The following APLF variants were observed in gnomAD, a reference collection of about 807,000 sequenced individuals.
APLF encodes aprataxin and PNKP like factor.
Under a neutral mutation model 55.6 loss-of-function variants are expected in APLF, and 61 were observed. The observed-to-expected ratio is 1.10, with a 90% CI of 0.89 to 1.36. The LOEUF (loss-of-function observed/expected upper bound fraction) is 1.36. Among genes scored for constraint, APLF ranks in the 40% most tolerant of loss-of-function variants. The pLI is 0.00. For synonymous variants in APLF, 207 were observed against 214.8 expected, an observed-to-expected ratio of 0.96 and a Z score of 0.32; for missense variants, 611 against 602.5, an observed-to-expected ratio of 1.01 and a Z score of -0.15.
intron 8 of APLF, among the ~76,000 whole-genome samples, chr2:68,555,936 A>AAAC (rs373984417): frequency 8.5e-5 from 13 of 152,360 alleles, no homozygotes; most frequent in African/African-American, 3.1e-4. Context: ...GCAATGGCAA[A>AAAC]AACATGGAAC....
chr2:68,559,337 A>G (rs959541246), intron 8 of APLF, among the ~76,000 whole-genome samples: 1 of 152,226 alleles, frequency 6.6e-6, no homozygotes, highest in Middle Eastern at 3.4e-3. Flanking sequence ...TAAATATTGC[A>G]GAGCCACGGG....
At chr2:68,510,981 C>T (rs1677032699) in intron 3 of APLF, among the ~76,000 whole-genome samples, 1 of 151,680 alleles carries the variant, frequency 6.6e-6, no homozygotes, top group Non-Finnish European at 1.5e-5. Context: ...TCTTTGGAGA[C>T]AGAAGGTAGA....
At chr2:68,512,965 T>C in intron 3 of APLF, 115 bp from the exon 4 acceptor site, 1 of 823,638 alleles carries the variant, frequency 1.2e-6, no homozygotes, top group Non-Finnish European at 1.9e-6. Context: ...TACTATAATC[T>C]GCTTTTTTTG....
chr2:68,575,413 G>A (rs1229384528), intron 9 of APLF, among the ~76,000 whole-genome samples: 1 of 152,164 alleles, frequency 6.6e-6, no homozygotes, highest in East Asian at 1.9e-4. Flanking sequence ...CTTCAAAGCT[G>A]AGACCTGTAA....
rs970199640 is a variant in APLF, at chr2:68,522,480, G to A, written c.623-3581G>A. The stretch of plus-strand genomic sequence containing the variant: ...CTCTTATCTATATTATGGTTAGTCC[G>A]TATTTTTCTTTATGTATGCCTTCTA... On this transcript the variant is annotated intron_variant, in intron 5 of 9. Coordinates refer to ENST00000303795, the MANE Select transcript of APLF (RefSeq NM_173545.3). Among the ~76,000 whole-genome samples the A allele has an allele frequency of 7.9e-5, 12 of 151,774 alleles. No homozygotes were observed. In the East Asian group the frequency reaches 1.5e-3, roughly 20 times the overall value.
In APLF at chr2:68,481,790, A is replaced by G. The variant is rs190277638; in HGVS notation, c.97-8400A>G. Among the ~76,000 whole-genome samples the G allele has an allele frequency of 2.0e-5, 3 of 152,094 alleles. No homozygotes were observed. In the East Asian group the frequency reaches 5.8e-4, roughly 29 times the overall value. ...CCCATAAATTCAATCGGTTTTCTTCATTCTAGTATATACTTTTTTCTTTTC... is the reference window on the plus strand; with the variant it reads ...CCCATAAATTCAATCGGTTTTCTTCGTTCTAGTATATACTTTTTTCTTTTC... On this transcript the variant is annotated intron_variant, in intron 1 of 9. Coordinates refer to ENST00000303795, the MANE Select transcript of APLF (RefSeq NM_173545.3).
At chr2:68,552,251 C>A (rs1670887472) in intron 8 of APLF, among the ~76,000 whole-genome samples, 1 of 152,104 alleles carries the variant, frequency 6.6e-6, no homozygotes, top group African/African-American at 2.4e-5. Context: ...TTCAGACCCT[C>A]AGCCTCTCAC....
intron 2 of APLF, among the ~76,000 whole-genome samples, chr2:68,490,537 C>T (rs1030833496): frequency 1.9e-4 from 29 of 152,066 alleles, no homozygotes; most frequent in African/African-American, 7.0e-4. Flanking sequence ...ATTGAATACT[C>T]CAAATAATAA....
chr2:68,529,376 G>T lies in APLF; in HGVS notation c.804+3134G>T, dbSNP rs944529083. 3.3e-5 allele frequency: 43 copies of T among 1,297,010 alleles called. No homozygotes were observed. In the African/African-American group the frequency reaches 5.5e-4, roughly 17 times the overall value. 80.3% of individuals were successfully genotyped at this position (1,297,010 alleles called of 1,614,324 possible). The stretch of plus-strand genomic sequence containing the variant: ...GGGGTGAGCCCGGCCAGCTGGGAAG[G>T]CCTCACGGACAAGACGAGCAGGTTG... On this transcript the variant is annotated intron_variant, in intron 6 of 9. Coordinates refer to ENST00000303795, the MANE Select transcript of APLF (RefSeq NM_173545.3). The surrounding 1 kb of genome is among the most constrained non-coding windows in gnomAD (Gnocchi z 4.4).
At chr2:68,515,344 A>G (rs1226611045) in intron 5 of APLF, among the ~76,000 whole-genome samples, 1 of 151,456 alleles carries the variant, frequency 6.6e-6, no homozygotes, top group African/African-American at 2.4e-5. Context: ...TTGATCCTCA[A>G]TTTGTAGGAA....
chr2:68,469,715 T>A (rs1224537058), intron 1 of APLF, among the ~76,000 whole-genome samples: 1 of 152,212 alleles, frequency 6.6e-6, no homozygotes, highest in Non-Finnish European at 1.5e-5. Flanking sequence ...TAAGGGCTCC[T>A]GTTTCCAACA....
chr2:68,484,849 C>G (rs1382253724), intron 1 of APLF, among the ~76,000 whole-genome samples: 1 of 151,796 alleles, frequency 6.6e-6, no homozygotes, highest in Non-Finnish European at 1.5e-5. Flanking sequence ...AAAATAAATA[C>G]AACAATTGTT....
At chr2:68,496,620 A>T (rs1190802581) in intron 2 of APLF, among the ~76,000 whole-genome samples, 2 of 152,210 alleles carry the variant, frequency 1.3e-5, no homozygotes, top group African/African-American at 4.8e-5. Flanking sequence ...AGAAGCAGCC[A>T]GGCCACTTCT....
intron 7 of APLF, among the ~76,000 whole-genome samples, chr2:68,544,863 A>G (rs34366735): frequency 0.24 from 36,381 of 152,072 alleles, 7,041 homozygotes; most frequent in African/African-American, 0.54. Flanking sequence ...AGCTATATAT[A>G]TTTATGATAT....
chr2:68,579,430 A>G lies in APLF; in HGVS notation c.*1408A>G. The G allele has an allele frequency of 2.1e-6, 2 of 953,980 alleles. No homozygotes were observed. The highest frequency in any genetic ancestry group is 1.8e-5 in the African/African-American group (1 of 56,636). The allele number at this position is 953,980 out of a possible 1,614,324, so 59.1% of individuals were successfully genotyped here. A position where few individuals can be genotyped will look rare whatever the true frequency, so the allele number is the denominator to read the frequency against. On this transcript the variant is annotated 3_prime_UTR_variant, in exon 10 of 10. Transcript: ENST00000303795. Reference sequence around the variant, plus strand: ...AACTTAATCCTTGAAGTGTTACATAATCTACTCCTAGGTATATACCCAGAG... The same window carrying G: ...AACTTAATCCTTGAAGTGTTACATAGTCTACTCCTAGGTATATACCCAGAG...
intron 5 of APLF, among the ~76,000 whole-genome samples, chr2:68,524,007 G>T (rs1180103515): frequency 2.0e-5 from 3 of 151,732 alleles, no homozygotes; most frequent in Admixed American, 2.0e-4. Context: ...TTTAATTTTA[G>T]AATTTTGAGT....
In APLF at chr2:68,530,087, G is replaced by T. The variant is rs575171166; in HGVS notation, c.804+3845G>T. On this transcript the variant is annotated intron_variant, in intron 6 of 9. Coordinates refer to ENST00000303795, the MANE Select transcript of APLF (RefSeq NM_173545.3). ...CTCTTACCACATGCCTCCCTGGCAG[G>T]CAGGGTCTCCACTTTTTACAAATTT... is the stretch of plus-strand genomic sequence containing the variant. Among the ~76,000 whole-genome samples the T allele has an allele frequency of 7.6e-3, 1,159 of 152,308 alleles. 8 individuals are homozygous for T. Among genetic ancestry groups the T allele is most frequent in the Admixed American group, 0.014 (214 of 15,302 alleles).
At chr2:68,521,494 G>A (rs1227739214) in intron 5 of APLF, among the ~76,000 whole-genome samples, 1 of 151,730 alleles carries the variant, frequency 6.6e-6, no homozygotes, top group African/African-American at 2.4e-5. Context: ...AGTTTCTTAG[G>A]CCTGGGCTAA....
intron 8 of APLF, among the ~76,000 whole-genome samples, chr2:68,552,072 T>A (rs1045290126): frequency 1.3e-5 from 2 of 152,170 alleles, no homozygotes; most frequent in African/African-American, 4.8e-5. Flanking sequence ...AAAACTTTCC[T>A]TTGGCGATTT....
Sources: allele counts gnomAD v4.1 joint callset (sites outside exome capture counted in the v4.1 genomes callset), GRCh38; gene constraint gnomAD v4.1.1; non-coding constraint Gnocchi (gnomAD v3.1); transcripts MANE v1.5; gene names NCBI Gene and HGNC (gene_info 2026-07-23, HGNC 2026-07-21).